The following SOX5 variants were observed in gnomAD, a reference collection of about 807,000 sequenced individuals.
SOX5 encodes SRY-box transcription factor 5, also known as transcription factor SOX-5.
In SOX5, 9 loss-of-function variants were observed where a neutral mutation model predicts 92.0. That is an observed-to-expected ratio of 0.10 (90% confidence interval 0.06 to 0.17). The LOEUF (loss-of-function observed/expected upper bound fraction) is 0.17. Among genes scored for constraint, SOX5 ranks in the 10% least tolerant of loss-of-function variants. The pLI, the probability that SOX5 is intolerant of heterozygous loss-of-function variation, is 1.00. For missense variants in SOX5, 642 were observed against 944.5 expected (o/e 0.68, Z 4.20); for synonymous variants, 344 against 336.3 (o/e 1.02, Z -0.25).
intron 4 of SOX5, among the ~76,000 whole-genome samples, chr12:24,202,719 G>A (rs186238609): frequency 5.3e-5 from 8 of 152,098 alleles, no homozygotes; most frequent in African/African-American, 1.4e-4. Flanking sequence ...ATATTTCTTC[G>A]TGATTAAATT....
chr12:24,451,547 C>T (rs139262138), intron 1 of SOX5, among the ~76,000 whole-genome samples: 128 of 152,212 alleles, frequency 8.4e-4, no homozygotes, highest in African/African-American at 2.9e-3. Flanking sequence ...CTCTGATCAA[C>T]GATGTTGAAC....
At chr12:24,332,437 G>A (rs1595674598) in intron 2 of SOX5, among the ~76,000 whole-genome samples, 1 of 152,112 alleles carries the variant, frequency 6.6e-6, no homozygotes, top group East Asian at 1.9e-4. Context: ...TAAATGGCCT[G>A]TAACTGAGAA....
intron 8 of SOX5, among the ~76,000 whole-genome samples, chr12:23,610,561 A>G (rs2075827400): frequency 6.6e-6 from 1 of 152,162 alleles, no homozygotes; most frequent in African/African-American, 2.4e-5. Flanking sequence ...ATTAATATAG[A>G]TCTCTTGTAC....
At chr12:23,896,565 G>A (rs1393901382) in intron 1 of SOX5, among the ~76,000 whole-genome samples, 1 of 152,026 alleles carries the variant, frequency 6.6e-6, no homozygotes, top group East Asian at 1.9e-4. Context: ...GCAACTGACA[G>A]AAAGTTTAAT....
At chr12:24,501,347 G>T (rs1021897346) in intron 1 of SOX5, among the ~76,000 whole-genome samples, 3 of 150,740 alleles carry the variant, frequency 2.0e-5, no homozygotes, top group African/African-American at 7.3e-5. Flanking sequence ...TGTGCGTTTG[G>T]GTAGTACTTC....
At chr12:23,789,351 G>T (rs972478822) in intron 3 of SOX5, among the ~76,000 whole-genome samples, 1 of 152,020 alleles carries the variant, frequency 6.6e-6, no homozygotes, top group Non-Finnish European at 1.5e-5. Flanking sequence ...CAAGGAACAT[G>T]CGTTTTTTTC....
chr12:23,555,517 A>G (rs1243712600), intron 11 of SOX5, among the ~76,000 whole-genome samples: 2 of 152,062 alleles, frequency 1.3e-5, no homozygotes, highest in Non-Finnish European at 2.9e-5. Context: ...CTCCTTAAAA[A>G]CTCACACCAT....
chr12:23,823,025 G>A (rs956430550), intron 3 of SOX5, among the ~76,000 whole-genome samples: 1 of 152,058 alleles, frequency 6.6e-6, no homozygotes, highest in Non-Finnish European at 1.5e-5. Flanking sequence ...ACATGAGGTG[G>A]GTCTCCTGAA....
At chr12:23,673,128 G>A (rs1014220946) in intron 6 of SOX5, among the ~76,000 whole-genome samples, 4 of 152,082 alleles carry the variant, frequency 2.6e-5, no homozygotes, top group African/African-American at 4.8e-5. Flanking sequence ...GAAAAGATAT[G>A]GGAGAAACAC....
chr12:23,683,914 A>G (rs2087069781), intron 6 of SOX5, among the ~76,000 whole-genome samples: 1 of 151,966 alleles, frequency 6.6e-6, no homozygotes, highest in South Asian at 2.1e-4. Flanking sequence ...AGAGTTAAAA[A>G]TATTGAAGTT....
At chr12:23,992,231 T>C (rs1291723438) in intron 4 of SOX5, among the ~76,000 whole-genome samples, 1 of 152,098 alleles carries the variant, frequency 6.6e-6, no homozygotes, top group Non-Finnish European at 1.5e-5. Flanking sequence ...CTTAATAGCA[T>C]CTTTAGTTAA....
chr12:23,834,046 T>C (rs1328234697), intron 3 of SOX5, among the ~76,000 whole-genome samples: 1 of 151,862 alleles, frequency 6.6e-6, no homozygotes, highest in Non-Finnish European at 1.5e-5. Context: ...AAATAAACAA[T>C]AATAATGTGG....
rs952446510 is a variant in SOX5, at chr12:23,707,274, C to A, written c.810+27410G>T. ...TTGTTTTTAGGCTGGTTCTTTAGGT[C>A]ATCCAATCGTTAGCAGGTAGCAACA... On this transcript the variant is annotated intron_variant, in intron 6 of 14. Coordinates refer to ENST00000451604, the MANE Select transcript of SOX5 (RefSeq NM_006940.6). Among the ~76,000 whole-genome samples, 3 of 152,234 alleles carry A rather than the reference C, an allele frequency of 2.0e-5. No individual in the cohort carries two copies. In the East Asian group the frequency reaches 5.8e-4, roughly 29 times the overall value.
intron 6 of SOX5, among the ~76,000 whole-genome samples, chr12:23,703,727 G>GACACACACACACACACAC (rs61366137): frequency 2.3e-4 from 34 of 148,716 alleles, no homozygotes; most frequent in African/African-American, 7.6e-4. Flanking sequence ...TTTCTCAGGG[G>GACACACACACACACACAC]ACACACACAC....
At chr12:23,989,829 T>C (rs2136245803) in intron 4 of SOX5, among the ~76,000 whole-genome samples, 1 of 152,216 alleles carries the variant, frequency 6.6e-6, no homozygotes, top group East Asian at 1.9e-4. Context: ...AAGAAATAAA[T>C]TTCTGTTGTT....
intron 8 of SOX5, among the ~76,000 whole-genome samples, chr12:23,636,060 G>T (rs1211175289): frequency 1.3e-5 from 2 of 152,132 alleles, no homozygotes; most frequent in African/African-American, 4.8e-5. Flanking sequence ...AGTTTACAGT[G>T]TCTGTGAATT....
intron 3 of SOX5, among the ~76,000 whole-genome samples, chr12:23,827,179 G>A (rs996504036): frequency 2.0e-5 from 3 of 152,092 alleles, no homozygotes; most frequent in South Asian, 2.1e-4. Context: ...AAGACATCTC[G>A]TTATCTGCTT....
chr12:24,542,784 T>C (rs903304047), intron 1 of SOX5, among the ~76,000 whole-genome samples: 1 of 152,238 alleles, frequency 6.6e-6, no homozygotes, highest in African/African-American at 2.4e-5. Context: ...CTATATTAGT[T>C]GTCACCTTCG....
At chr12:23,874,741 G>T (rs1014835262) in intron 2 of SOX5, among the ~76,000 whole-genome samples, 1 of 152,012 alleles carries the variant, frequency 6.6e-6, no homozygotes, top group Non-Finnish European at 1.5e-5. Context: ...TCTCATGGAG[G>T]GATATTTAAA....
Sources: allele counts gnomAD v4.1 joint callset (sites outside exome capture counted in the v4.1 genomes callset), GRCh38; gene constraint gnomAD v4.1.1; transcripts MANE v1.5; gene names NCBI Gene and HGNC (gene_info 2026-07-23, HGNC 2026-07-21).